The following SECISBP2 variants were observed in gnomAD, a reference collection of about 807,000 sequenced individuals.
SECISBP2 encodes selenocysteine insertion sequence-binding protein 2.
In SECISBP2, 96 loss-of-function variants were observed where a neutral mutation model predicts 98.2. The ratio of observed to expected loss-of-function variants is 0.98; its 90% CI spans 0.83 to 1.16. The LOEUF (loss-of-function observed/expected upper bound fraction) is 1.16. Among genes scored for constraint, SECISBP2 ranks in the 50% most tolerant of loss-of-function variants. The probability of loss-of-function intolerance (pLI) is 0.00; values close to 1 mark genes in which losing one functional copy is unlikely to be tolerated. For missense variants in SECISBP2, 1,046 were observed against 1,022.9 expected (o/e 1.02, Z -0.31); for synonymous variants, 407 against 370.2 (o/e 1.10, Z -1.14).
downstream of SECISBP2, chr9:89,363,734 C>G (rs1833128604): frequency 6.2e-7 from 1 of 1,610,588 alleles, no homozygotes; most frequent in Non-Finnish European, 8.5e-7. Context: ...GCATGGGAAT[C>G]ACTTACCAGG....
chr9:89,358,022 G>A lies in SECISBP2; in HGVS notation c.2292G>A (p.Glu764=), dbSNP rs779819207. 9 of 1,613,186 alleles carry A rather than the reference G, an allele frequency of 5.6e-6. No individual in the cohort carries two copies. Among genetic ancestry groups the A allele is most frequent in the South Asian group, 4.4e-5 (4 of 90,926 alleles). ...AGGATCAGTTCCACAAGATGGTTGA[G>A]CTGACAGTGGCGGCCCGACAGGCGT... The part of the protein sequence containing the change: ...GAQDQFHKMV[E]LTVAARQAYK... The change falls in exon 16 of 17, where the codon GAG becomes GAA. Residue 764 remains glutamate (E), a synonymous_variant. Coordinates refer to ENST00000375807, the MANE Select transcript of SECISBP2 (RefSeq NM_024077.5).
downstream of SECISBP2, chr9:89,364,041 C>T: frequency 6.2e-7 from 1 of 1,608,090 alleles, no homozygotes; most frequent in Non-Finnish European, 8.5e-7. Flanking sequence ...CCTCTGCTGT[C>T]CCAGTTGGAC....
chr9:89,337,083 C>CT (rs1828873208), intron 7 of SECISBP2, among the ~76,000 whole-genome samples: 1 of 152,136 alleles, frequency 6.6e-6, no homozygotes, highest in Admixed American at 6.5e-5. Context: ...CCCCCACTGT[C>CT]TAATTCTTTG....
chr9:89,338,886 G>GTTTT (rs577395060), intron 8 of SECISBP2, among the ~76,000 whole-genome samples: 2 of 140,748 alleles, frequency 1.4e-5, no homozygotes, highest in African/African-American at 5.2e-5. Context: ...TTCTTTACCT[G>GTTTT]TTTTTTTTTT....
intron 10 of SECISBP2, 30 bp downstream of exon 10, chr9:89,341,509 G>GT (rs1564394958): frequency 2.5e-6 from 4 of 1,613,262 alleles, no homozygotes; most frequent in Non-Finnish European, 3.4e-6. Flanking sequence ...TCAGGCAAGT[G>GT]ATTGGAAGTC....
rs1303011661 is a variant in SECISBP2, at chr9:89,350,680, C to A, written c.1941C>A (p.Asp647Glu). 1 of 1,614,040 alleles carries A rather than the reference C, an allele frequency of 6.2e-7. No individual in the cohort carries two copies. The highest frequency in any genetic ancestry group is 1.7e-5 in the Admixed American group (1 of 59,996). The change falls in exon 14 of 17, where the codon GAC (aspartate) becomes GAA (glutamate). Residue 647 changes from aspartate (D) to glutamate (E), a missense_variant. Physicochemically the swap from Asp to Glu is conservative, Grantham distance 45 (BLOSUM62 2). Transcript: ENST00000375807. ...LSKEVDACVT[D>E]LLKELVRFQD... ...AAGAAGTGGATGCTTGTGTTACCGA[C>A]CTACTCAAAGAACTGGTCCGTTTCC...
At chr9:89,362,241 C>A, downstream of SECISBP2, 1 of 1,253,130 alleles carries the variant, frequency 8.0e-7, no homozygotes, top group Non-Finnish European at 1.2e-6. Context: ...ACTGTCCCGC[C>A]TCTGCCCATC....
At chr9:89,364,119 C>T (rs1487139833), downstream of SECISBP2, 2 of 1,414,220 alleles carry the variant, frequency 1.4e-6, no homozygotes, top group Non-Finnish European at 1.9e-6. Flanking sequence ...TCCCCATGGC[C>T]AGCGGGAGCC....
intron 16 of SECISBP2, 103 bp downstream of exon 16, chr9:89,358,294 C>T: frequency 8.2e-7 from 1 of 1,215,494 alleles, no homozygotes; most frequent in Non-Finnish European, 1.2e-6. Context: ...GCAAGACCAG[C>T]TGAGTAGCAG....
chr9:89,341,782 C>T (rs1262350879), intron 10 of SECISBP2, among the ~76,000 whole-genome samples: 1 of 152,174 alleles, frequency 6.6e-6, no homozygotes, highest in Non-Finnish European at 1.5e-5. Flanking sequence ...TCCTACCTCA[C>T]ACCATAGATC....
chr9:89,362,539 C>T, downstream of SECISBP2: 3 of 1,583,674 alleles, frequency 1.9e-6, no homozygotes, highest in African/African-American at 1.3e-5. Context: ...AAGGCCTCAG[C>T]CCCCTGTTGT....
chr9:89,341,618 G>A (rs1829669768), intron 10 of SECISBP2, 139 bp downstream of exon 10: 1 of 1,013,660 alleles, frequency 9.9e-7, no homozygotes. Context: ...ATAAGGACCT[G>A]TGGAATAGAA....
chr9:89,363,326 G>A (rs150097648), downstream of SECISBP2: 1 of 1,512,870 alleles, frequency 6.6e-7, no homozygotes, highest in African/African-American at 1.4e-5. Context: ...GAGGGAACAA[G>A]TGGGGTCCAT....
intron 4 of SECISBP2, among the ~76,000 whole-genome samples, chr9:89,328,333 T>C (rs1015009487): frequency 6.6e-6 from 1 of 152,230 alleles, no homozygotes; most frequent in Admixed American, 6.5e-5. Flanking sequence ...ATTTTTCAGC[T>C]TCATTACAAT....
At chr9:89,340,082 C>T in intron 9 of SECISBP2, 129 bp downstream of exon 9, 1 of 684,806 alleles carries the variant, frequency 1.5e-6, no homozygotes, top group Non-Finnish European at 2.7e-6. Flanking sequence ...TTCATTCCTT[C>T]ATGAGAGAAC....
the SECISBP2 span, among the ~76,000 whole-genome samples, chr9:89,366,003 C>G: frequency 6.6e-6 from 1 of 152,214 alleles, no homozygotes; most frequent in Non-Finnish European, 1.5e-5. Flanking sequence ...CAAGCTCAGA[C>G]CCTTTAGCTG....
chr9:89,346,237 G>A (rs75463207), intron 10 of SECISBP2, among the ~76,000 whole-genome samples: 1,888 of 152,282 alleles, frequency 0.012, 40 homozygotes, highest in African/African-American at 0.043. Context: ...AATAACTATT[G>A]AGATGGGAAA....
At chr9:89,360,152 G>A (rs186626941), downstream of SECISBP2, among the ~76,000 whole-genome samples, 7 of 152,234 alleles carry the variant, frequency 4.6e-5, no homozygotes, top group Admixed American at 6.5e-5. Flanking sequence ...TTCTTTACAC[G>A]TTCTGAGCTG....
At chr9:89,340,087 G>A in intron 9 of SECISBP2, 134 bp downstream of exon 9, 1 of 678,678 alleles carries the variant, frequency 1.5e-6, no homozygotes, top group Non-Finnish European at 2.7e-6. Context: ...TCCTTCATGA[G>A]AGAACTGCAC....
Sources: allele counts gnomAD v4.1 joint callset (sites outside exome capture counted in the v4.1 genomes callset), GRCh38; gene constraint gnomAD v4.1.1; transcripts MANE v1.5; gene names NCBI Gene and HGNC (gene_info 2026-07-23, HGNC 2026-07-21).